OR4Q3: variants seen among roughly 807,000 people sequenced by gnomAD.
OR4Q3 encodes olfactory receptor family 4 subfamily Q member 3.
Under a neutral mutation model 18.8 loss-of-function variants are expected in OR4Q3, and 17 were observed. That is an observed-to-expected ratio of 0.91 (90% CI 0.62 to 1.36). The LOEUF (loss-of-function observed/expected upper bound fraction) is 1.36, where lower values mean the gene tolerates loss of function less well. Among genes scored for constraint, OR4Q3 ranks in the 40% most tolerant of loss-of-function variants. OR4Q3 has a pLI of 0.00. For synonymous variants in OR4Q3, 158 were observed against 145.8 expected, an observed-to-expected ratio of 1.08 and a Z score of -0.60; for missense variants, 378 against 373.4, an observed-to-expected ratio of 1.01 and a Z score of -0.10.
intron 1 of OR4Q3, among the ~76,000 whole-genome samples, chr14:19,745,363 G>A: frequency 5.3e-5 from 8 of 152,096 alleles, no homozygotes; most frequent in Non-Finnish European, 1.0e-4. Context: ...TTTTAATATT[G>A]TCTGTTTTAG....
exon 2 of OR4Q3, chr14:19,749,248 A>G: frequency 6.6e-6 from 1 of 152,246 alleles, no homozygotes; most frequent in African/African-American, 2.4e-5. Flanking sequence ...TGAGGAATAA[A>G]TTTACTTAAC....
At chr14:19,747,841 C>T in exon 2 of OR4Q3, 16 of 1,607,920 alleles carry the variant, frequency 1.0e-5, no homozygotes, top group Non-Finnish European at 1.4e-5. Flanking sequence ...CAGTCATGAA[C>T]CCCCAGCTAT....
chr14:19,746,777 C>T, intron 1 of OR4Q3, among the ~76,000 whole-genome samples: 1 of 152,190 alleles, frequency 6.6e-6, no homozygotes, highest in Admixed American at 6.6e-5. Flanking sequence ...AACCTTTGTA[C>T]AACATAGCAA....
chr14:19,747,478 A>G lies in OR4Q3; in HGVS notation c.75A>G (p.Leu25=). The G allele has an allele frequency of 9.8e-4, 1,584 of 1,612,502 alleles. No homozygotes were observed. The African/African-American group carries it at 0.019, about 19-fold the overall frequency. Residue 25 remains leucine, a synonymous_variant, in exon 2 of 2, where the codon CTA becomes CTG. Transcript: ENST00000642117. ...TGACAGAATTTGTTCTTCTGGGCCT[A>G]TCATCTTCTTGGGAGCTGCAGCTAT...
Position 19,748,121 on chromosome 14 carries a change from C to T in OR4Q3, c.718C>T (p.Gln240Ter). 1.2e-6 allele frequency: 2 copies of T among 1,614,044 alleles called. No individual in the cohort carries two copies. Among genetic ancestry groups the T allele is most frequent in the South Asian group, 2.2e-5 (2 of 91,086 alleles). ...GATCACCCTGAGAACACACTTCTGC[C>T]AGGGCCAGAACAAGGTCTTCTCTAC... is the stretch of plus-strand genomic sequence containing the variant. Residue 240 changes from glutamine (Q) to a stop codon, truncating the protein, a stop_gained, in exon 2 of 2, where the codon CAG (glutamine) becomes TAG (stop). Transcript: ENST00000642117. LOFTEE classifies it high-confidence loss of function.
At chr14:19,749,727 CTTTT>C, downstream of OR4Q3, among the ~76,000 whole-genome samples, 1 of 141,918 alleles carries the variant, frequency 7.0e-6, no homozygotes, top group Non-Finnish European at 1.5e-5. Context: ...TTCTTTCTTT[CTTTT>C]TCTTTCTTTC....
chr14:19,748,466 T>C, exon 2 of OR4Q3: 26 of 882,674 alleles, frequency 2.9e-5, no homozygotes, highest in Non-Finnish European at 4.5e-5. Flanking sequence ...ATGACGTTGG[T>C]ATAAAAGAGG....
At chr14:19,750,611 C>A, downstream of OR4Q3, among the ~76,000 whole-genome samples, 529 of 152,194 alleles carry the variant, frequency 3.5e-3, 4 homozygotes, top group African/African-American at 0.012. Context: ...TTGCAATAAC[C>A]CTGGTCGTGT....
chr14:19,750,338 C>A, downstream of OR4Q3, among the ~76,000 whole-genome samples: 4 of 152,210 alleles, frequency 2.6e-5, no homozygotes, highest in African/African-American at 9.6e-5. Context: ...TGGAAAATCC[C>A]TAAAAAGGTT....
downstream of OR4Q3, among the ~76,000 whole-genome samples, chr14:19,752,149 C>A: frequency 6.6e-6 from 1 of 152,184 alleles, no homozygotes; most frequent in Non-Finnish European, 1.5e-5. Context: ...GAAATTGCAA[C>A]AAAACCAAAA....
At chr14:19,748,289 T>A in exon 2 of OR4Q3, 3 of 1,613,888 alleles carry the variant, frequency 1.9e-6, no homozygotes, top group Non-Finnish European at 2.5e-6. Flanking sequence ...CCCCCTCATC[T>A]ACACACTCAG....
exon 2 of OR4Q3, chr14:19,748,682 T>G: frequency 3.4e-6 from 1 of 295,256 alleles, no homozygotes; most frequent in Middle Eastern, 9.3e-4. Context: ...TTTATTCAAT[T>G]TTTTCCACTT....
At chr14:19,750,305 T>C, downstream of OR4Q3, among the ~76,000 whole-genome samples, 1 of 152,214 alleles carries the variant, frequency 6.6e-6, no homozygotes, top group Non-Finnish European at 1.5e-5. Flanking sequence ...ATTTCTATAA[T>C]ACCTGTATAG....
At chr14:19,744,140 T>C (rs1256369556) in intron 1 of OR4Q3, among the ~76,000 whole-genome samples, 1 of 152,234 alleles carries the variant, frequency 6.6e-6, no homozygotes, top group Admixed American at 6.5e-5. Flanking sequence ...AGCAGAAAGA[T>C]TGTTTCTTTC....
At chr14:19,751,044 G>A, downstream of OR4Q3, among the ~76,000 whole-genome samples, 2 of 152,326 alleles carry the variant, frequency 1.3e-5, no homozygotes, top group South Asian at 2.1e-4. Flanking sequence ...GCTTTCTCTT[G>A]GTATAAGCCA....
Position 19,747,655 on chromosome 14 carries a change from T to C in OR4Q3, c.252T>C (p.Cys84=). The change falls in exon 2 of 2, where the codon TGT becomes TGC. Residue 84 remains cysteine, a synonymous_variant. Transcript: ENST00000642117. ...CTTTCATTGACCTATGCCTGAGCTG[T>C]GTTACTGTGCCAAAGATGTTAGGGG... The C allele has an allele frequency of 3.1e-6, 5 of 1,614,114 alleles. No homozygotes were observed. The Admixed American group carries it at 8.3e-5, about 27-fold the overall frequency.
At chr14:19,745,545 A>G in intron 1 of OR4Q3, among the ~76,000 whole-genome samples, 1 of 152,180 alleles carries the variant, frequency 6.6e-6, no homozygotes, top group African/African-American at 2.4e-5. Context: ...TCTGGCTTCT[A>G]GAAACCTTTT....
chr14:19,748,605 C>T, exon 2 of OR4Q3: 3 of 486,426 alleles, frequency 6.2e-6, no homozygotes, highest in Non-Finnish European at 7.2e-6. Context: ...ATTTACTGGC[C>T]ACAAACGATA....
downstream of OR4Q3, among the ~76,000 whole-genome samples, chr14:19,751,578 G>A: frequency 2.0e-5 from 3 of 151,034 alleles, no homozygotes; most frequent in South Asian, 4.2e-4. Context: ...GCTTGATATT[G>A]ACTTATTAAG....
Sources: gnomAD v4.1 joint callset for allele counts (sites outside exome capture counted in the v4.1 genomes callset) on GRCh38, gnomAD v4.1.1 for gene constraint, MANE v1.5 for transcripts, NCBI Gene and HGNC (gene_info 2026-07-23, HGNC 2026-07-21) for gene names.